Variants in ACVR2A observed in about 807,000 individuals in gnomAD.
The protein encoded by ACVR2A is activin receptor type-2A.
In ACVR2A, 7 loss-of-function variants were observed where a neutral mutation model predicts 61.4. That is an observed-to-expected ratio of 0.11 (90% CI 0.06 to 0.21). The LOEUF (loss-of-function observed/expected upper bound fraction) is 0.21. Among genes scored for constraint, ACVR2A ranks in the 10% least tolerant of loss-of-function variants. The pLI is 1.00. For missense variants in ACVR2A, 322 were observed against 621.7 expected, an observed-to-expected ratio of 0.52 and a Z score of 5.13; for synonymous variants, 193 against 208.3, an observed-to-expected ratio of 0.93 and a Z score of 0.63.
chr2:147,911,882 T>G (rs1687127147), intron 4 of ACVR2A, among the ~76,000 whole-genome samples: 2 of 152,076 alleles, frequency 1.3e-5, no homozygotes, highest in Non-Finnish European at 2.9e-5. Flanking sequence ...TTGGTTAATT[T>G]TTATATGTCA....
intron 1 of ACVR2A, among the ~76,000 whole-genome samples, chr2:147,868,179 G>A (rs187164932): frequency 9.5e-4 from 145 of 152,318 alleles, no homozygotes; most frequent in African/African-American, 3.3e-3. Flanking sequence ...AGTAATACAA[G>A]GAGGTAGTGG....
intron 1 of ACVR2A, among the ~76,000 whole-genome samples, chr2:147,885,214 T>TA (rs897135867): frequency 5.9e-5 from 9 of 151,616 alleles, no homozygotes; most frequent in African/African-American, 1.5e-4. Flanking sequence ...AAGTTTTCTC[T>TA]AAAAAAAAAT....
chr2:147,913,744 ACCT>A (rs1687177304), intron 4 of ACVR2A, among the ~76,000 whole-genome samples: 1 of 133,620 alleles, frequency 7.5e-6, no homozygotes, highest in African/African-American at 2.8e-5. Flanking sequence ...TTTATATCTG[ACCT>A]CCTTGACCCG....
At chr2:147,876,853 G>A (rs1487258994) in intron 1 of ACVR2A, among the ~76,000 whole-genome samples, 1 of 152,188 alleles carries the variant, frequency 6.6e-6, no homozygotes, top group African/African-American at 2.4e-5. Context: ...TGCTTAAATT[G>A]AGAGCAGTTC....
chr2:147,898,995 G>A (rs1686810458), intron 2 of ACVR2A, among the ~76,000 whole-genome samples: 1 of 151,974 alleles, frequency 6.6e-6, no homozygotes, highest in African/African-American at 2.4e-5. Flanking sequence ...CACTTAGCAT[G>A]TGTGTATGTA....
chr2:147,911,931 G>T (rs1437753397), intron 4 of ACVR2A, among the ~76,000 whole-genome samples: 1 of 151,930 alleles, frequency 6.6e-6, no homozygotes, highest in African/African-American at 2.4e-5. Flanking sequence ...TTTAACAGGG[G>T]TCGATTTTCT....
At chr2:147,917,538 T>C (rs1324136121) in intron 6 of ACVR2A, 112 bp downstream of exon 6, 3 of 1,123,146 alleles carry the variant, frequency 2.7e-6, no homozygotes, top group Non-Finnish European at 3.7e-6. Flanking sequence ...TTGATTAATA[T>C]TTAACCTGAA....
At chr2:147,859,657 T>G (rs1294571646) in intron 1 of ACVR2A, among the ~76,000 whole-genome samples, 1 of 152,126 alleles carries the variant, frequency 6.6e-6, no homozygotes, top group Non-Finnish European at 1.5e-5. Flanking sequence ...TCCAAGGGTT[T>G]GGGGTACTGA....
In ACVR2A at chr2:147,896,525, G is replaced by T. The variant is rs373774151; in HGVS notation, c.263+17G>T. On this transcript the variant is annotated intron_variant, in intron 2 of 10. Coordinates refer to ENST00000241416, the MANE Select transcript of ACVR2A (RefSeq NM_001616.5). ...CTATGACAGGTAAGAACACATTTAA[G>T]ATTTTATGGTAGTATTGAGTAATTT... The T allele has an allele frequency of 6.2e-7, 1 of 1,611,712 alleles. No individual in the cohort carries two copies. The highest frequency in any genetic ancestry group is 8.5e-7 in the Non-Finnish European group (1 of 1,178,040).
chr2:147,920,441 G>A (rs1687351907), intron 8 of ACVR2A, 97 bp downstream of exon 8: 3 of 934,332 alleles, frequency 3.2e-6, no homozygotes, highest in African/African-American at 1.7e-5. Flanking sequence ...AATTGTTGTG[G>A]TGTTTAAATC....
intron 1 of ACVR2A, among the ~76,000 whole-genome samples, chr2:147,863,871 C>G (rs1245897569): frequency 1.3e-5 from 2 of 152,162 alleles, no homozygotes; most frequent in Admixed American, 6.5e-5. Context: ...TTCATTTGCT[C>G]TGATCACCAC....
chr2:147,844,818 G>C (rs578072651), upstream of ACVR2A: 457 of 204,834 alleles, frequency 2.2e-3, 1 homozygote, highest in Non-Finnish European at 3.1e-3. Flanking sequence ...TCCGAGAGAC[G>C]GGAGAGGCGA....
intron 4 of ACVR2A, among the ~76,000 whole-genome samples, chr2:147,907,361 T>C (rs1217647479): frequency 6.6e-6 from 1 of 152,184 alleles, no homozygotes; most frequent in Non-Finnish European, 1.5e-5. Context: ...TACCCAGTAA[T>C]GGGATTGCTG....
At chr2:147,852,002 T>TA (rs1685460501) in intron 1 of ACVR2A, among the ~76,000 whole-genome samples, 1 of 152,104 alleles carries the variant, frequency 6.6e-6, no homozygotes, top group East Asian at 1.9e-4. Flanking sequence ...ATTTTAAGGT[T>TA]AGAGTTCAGT....
chr2:147,863,563 G>C (rs1270131250), intron 1 of ACVR2A, among the ~76,000 whole-genome samples: 1 of 152,084 alleles, frequency 6.6e-6, no homozygotes, highest in South Asian at 2.1e-4. Flanking sequence ...ATACTATTTT[G>C]TATGTTTTAT....
intron 1 of ACVR2A, among the ~76,000 whole-genome samples, chr2:147,868,863 G>C (rs563036051): frequency 6.6e-6 from 1 of 151,960 alleles, no homozygotes; most frequent in Non-Finnish European, 1.5e-5. Context: ...CACCTCCAGG[G>C]CTCAAGCAGT....
At chr2:147,923,430 G>T (rs1288357674) in intron 9 of ACVR2A, among the ~76,000 whole-genome samples, 3 of 151,984 alleles carry the variant, frequency 2.0e-5, no homozygotes, top group African/African-American at 7.2e-5. Flanking sequence ...TAAGTAGTTT[G>T]CCTACTTTAG....
intron 1 of ACVR2A, among the ~76,000 whole-genome samples, chr2:147,858,511 A>G (rs1322116676): frequency 2.0e-5 from 3 of 152,142 alleles, no homozygotes; most frequent in Non-Finnish European, 2.9e-5. Flanking sequence ...GGTAGTTCCT[A>G]CAACAAACCA....
At chr2:147,922,183 T>G (rs1558815133) in intron 8 of ACVR2A, among the ~76,000 whole-genome samples, 1 of 152,110 alleles carries the variant, frequency 6.6e-6, no homozygotes, top group Non-Finnish European at 1.5e-5. Flanking sequence ...CTCCTTGAAC[T>G]TTAGTCTTAG....
Sources: allele counts gnomAD v4.1 joint callset (sites outside exome capture counted in the v4.1 genomes callset), GRCh38; gene constraint gnomAD v4.1.1; transcripts MANE v1.5; gene names NCBI Gene and HGNC (gene_info 2026-07-23, HGNC 2026-07-21).